CLSTN2: variants seen among roughly 807,000 people sequenced by gnomAD.
The protein encoded by CLSTN2 is calsyntenin-2.
CLSTN2 carries 48 observed loss-of-function variants against 101.2 expected under a neutral mutation model. The ratio of observed to expected loss-of-function variants is 0.47; its 90% CI spans 0.38 to 0.60. CLSTN2 has a LOEUF of 0.60. Ranked by LOEUF, CLSTN2 falls within the 20% of genes least tolerant of loss-of-function variation. The probability of loss-of-function intolerance (pLI) is 0.00; values close to 1 mark genes in which losing one functional copy is unlikely to be tolerated. For synonymous variants in CLSTN2, 481 were observed against 463.6 expected (o/e 1.04, Z -0.48); for missense variants, 1,160 against 1,238.2 (o/e 0.94, Z 0.95).
At chr3:140,337,021 T>C in intron 2 of CLSTN2, among the ~76,000 whole-genome samples, 1 of 152,184 alleles carries the variant, frequency 6.6e-6, no homozygotes, top group East Asian at 1.9e-4. Flanking sequence ...TTCTTCAGTC[T>C]CTGGAGGGCC....
chr3:140,301,701 G>A (rs2087060649), intron 2 of CLSTN2, among the ~76,000 whole-genome samples: 1 of 152,204 alleles, frequency 6.6e-6, no homozygotes, highest in African/African-American at 2.4e-5. Context: ...AGAATCTCAA[G>A]GACTTACAGT....
intron 16 of CLSTN2, 72 bp from the exon 17 acceptor site, chr3:140,565,981 G>C: frequency 6.3e-7 from 1 of 1,589,580 alleles, no homozygotes; most frequent in Non-Finnish European, 8.6e-7. Flanking sequence ...TTAATGGATG[G>C]AGAGACATAA....
In CLSTN2 at chr3:140,403,737, G is replaced by A. The variant is rs1351103971; in HGVS notation, c.341G>A (p.Cys114Tyr). ...GRLRAKSPID[C>Y]ELQKEYTFII... ...CTCCGTGCCAAGAGCCCCATTGACTGTGAGTTGCAGAAGGAGTACACATTC... is the reference window on the plus strand; with the variant it reads ...CTCCGTGCCAAGAGCCCCATTGACTATGAGTTGCAGAAGGAGTACACATTC... The change falls in exon 3 of 17, where the codon TGT becomes TAT. Residue 114 changes from cysteine to tyrosine, a missense_variant. By Grantham distance (194) the Cys-to-Tyr change is radical. Coordinates refer to ENST00000458420, the MANE Select transcript of CLSTN2 (RefSeq NM_022131.3). 6.2e-7 allele frequency: 1 copy of A among 1,614,222 alleles called. No individual in the cohort carries two copies. The highest frequency in any genetic ancestry group is 1.7e-5 in the Admixed American group (1 of 60,028).
At position 139,935,274 on chromosome 3, in the gene CLSTN2, T is replaced by G. The variant is rs1435509863; in HGVS notation, c.-101T>G. Reference sequence around the variant, plus strand: ...GGCGGCAGCGCTAGAAGCGCACCCATCGGGCACGGCGAGGCGGCCCACGGT... The same window carrying G: ...GGCGGCAGCGCTAGAAGCGCACCCAGCGGGCACGGCGAGGCGGCCCACGGT... On this transcript the variant is annotated 5_prime_UTR_variant, in exon 1 of 17. Coordinates refer to ENST00000458420, the MANE Select transcript of CLSTN2 (RefSeq NM_022131.3). This position sits in a 1 kb window ranked among gnomAD's most constrained non-coding sequence, Gnocchi z 5.5. The G allele has an allele frequency of 9.1e-6, 5 of 547,730 alleles. No individual in the cohort carries two copies. Among genetic ancestry groups the G allele is most frequent in the Non-Finnish European group, 1.1e-5 (4 of 371,206 alleles). 33.9% of individuals were successfully genotyped at this position (547,730 alleles called of 1,614,324 possible). A position where few individuals can be genotyped will look rare whatever the true frequency, so the allele number is the denominator to read the frequency against.
intron 1 of CLSTN2, among the ~76,000 whole-genome samples, chr3:140,006,003 G>A (rs142468730): frequency 2.0e-5 from 3 of 152,310 alleles, no homozygotes; most frequent in Non-Finnish European, 4.4e-5. Context: ...TAATATCTAA[G>A]TTCATTCGTA....
At chr3:140,339,319 C>G (rs1374129177) in intron 2 of CLSTN2, among the ~76,000 whole-genome samples, 1 of 152,120 alleles carries the variant, frequency 6.6e-6, no homozygotes, top group Non-Finnish European at 1.5e-5. Context: ...TTCTCTCTCT[C>G]TCTCTCTCTT....
chr3:140,187,619 C>T (rs534953649), intron 2 of CLSTN2, among the ~76,000 whole-genome samples: 4 of 152,280 alleles, frequency 2.6e-5, no homozygotes, highest in Non-Finnish European at 4.4e-5. Flanking sequence ...AGTAGGTAAA[C>T]TTCCACTCAA....
chr3:140,227,901 T>C (rs111645983), intron 2 of CLSTN2, among the ~76,000 whole-genome samples: 6,622 of 152,296 alleles, frequency 0.043, 465 homozygotes, highest in African/African-American at 0.15. Context: ...CCCTAGACTG[T>C]GCACAGCATA....
chr3:140,122,675 T>C (rs569956780), intron 1 of CLSTN2, among the ~76,000 whole-genome samples: 1 of 152,080 alleles, frequency 6.6e-6, no homozygotes, highest in East Asian at 1.9e-4. Context: ...GGCAAAGCAG[T>C]TGGTGCTGCA....
chr3:140,089,598 T>A (rs1372245814), intron 1 of CLSTN2, among the ~76,000 whole-genome samples: 1 of 150,348 alleles, frequency 6.7e-6, no homozygotes, highest in Non-Finnish European at 1.5e-5. Context: ...ATTTATTTAT[T>A]TATTTATTTA....
At chr3:140,088,531 A>G (rs1298850413) in intron 1 of CLSTN2, among the ~76,000 whole-genome samples, 1 of 152,208 alleles carries the variant, frequency 6.6e-6, no homozygotes, top group Non-Finnish European at 1.5e-5. Context: ...CTACACTGAC[A>G]TTTAAGGTCA....
chr3:140,016,442 C>G (rs1266895673), intron 1 of CLSTN2, among the ~76,000 whole-genome samples: 1 of 152,092 alleles, frequency 6.6e-6, no homozygotes, highest in Non-Finnish European at 1.5e-5. Flanking sequence ...AGTGAGCATC[C>G]ATTCATATGA....
intron 2 of CLSTN2, among the ~76,000 whole-genome samples, chr3:140,256,569 C>T (rs1242218347): frequency 1.3e-5 from 2 of 152,198 alleles, no homozygotes; most frequent in African/African-American, 4.8e-5. Flanking sequence ...CCTTGGCAAC[C>T]TTCAGAATTA....
intron 9 of CLSTN2, among the ~76,000 whole-genome samples, chr3:140,537,584 C>G (rs1289503283): frequency 6.6e-6 from 1 of 152,132 alleles, no homozygotes; most frequent in Admixed American, 6.5e-5. Context: ...ACACAATATT[C>G]AGGATGGAGG....
intron 1 of CLSTN2, among the ~76,000 whole-genome samples, chr3:139,940,762 G>T (rs1935112905): frequency 1.3e-5 from 2 of 152,220 alleles, no homozygotes; most frequent in Admixed American, 6.5e-5. Flanking sequence ...CTAGTCTATG[G>T]ATGTCTTTGA....
intron 1 of CLSTN2, among the ~76,000 whole-genome samples, chr3:140,170,668 G>A (rs2010196801): frequency 2.0e-5 from 3 of 152,178 alleles, no homozygotes; most frequent in Admixed American, 1.3e-4. Context: ...ATTTCCTAAT[G>A]AGGGAAAAAC....
chr3:139,975,266 C>T (rs896755961), intron 1 of CLSTN2, among the ~76,000 whole-genome samples: 1 of 152,026 alleles, frequency 6.6e-6, no homozygotes, highest in Non-Finnish European at 1.5e-5. Context: ...AAGATAGCAC[C>T]TTGGGCAAAG....
intron 2 of CLSTN2, among the ~76,000 whole-genome samples, chr3:140,376,579 A>T (rs1293303240): frequency 6.6e-6 from 1 of 152,204 alleles, no homozygotes; most frequent in East Asian, 1.9e-4. Flanking sequence ...TAAACTCTAC[A>T]TGGATTTTGC....
chr3:140,087,952 G>A (rs528253453), intron 1 of CLSTN2, among the ~76,000 whole-genome samples: 1 of 152,274 alleles, frequency 6.6e-6, no homozygotes, highest in Admixed American at 6.5e-5. Context: ...ATGGGAGCTT[G>A]TCCCTATGCA....
Sources: allele counts gnomAD v4.1 joint callset (sites outside exome capture counted in the v4.1 genomes callset), GRCh38; gene constraint gnomAD v4.1.1; non-coding constraint Gnocchi (gnomAD v3.1); transcripts MANE v1.5; gene names NCBI Gene and HGNC (gene_info 2026-07-23, HGNC 2026-07-21).